USH2A: variants seen among roughly 807,000 people sequenced by gnomAD.
The protein encoded by USH2A is usherin, also known as Usher syndrome 2A (autosomal recessive, mild).
Under a neutral mutation model 538.9 loss-of-function variants are expected in USH2A, and 443 were observed. That is an observed-to-expected ratio of 0.82 (90% CI 0.76 to 0.89). The LOEUF (loss-of-function observed/expected upper bound fraction) is 0.89, where lower values mean the gene tolerates loss of function less well. USH2A is among the 40% of genes least tolerant of loss of function. The probability of loss-of-function intolerance (pLI) is 0.00; values close to 1 mark genes in which losing one functional copy is unlikely to be tolerated. For missense variants in USH2A, 6,633 were observed against 6,324.8 expected (o/e 1.05, Z -1.65); for synonymous variants, 2,413 against 2,273.5 (o/e 1.06, Z -1.75).
At chr1:216,271,381 T>C (rs1488155142) in intron 11 of USH2A, among the ~76,000 whole-genome samples, 1 of 151,816 alleles carries the variant, frequency 6.6e-6, no homozygotes, top group Non-Finnish European at 1.5e-5. Context: ...CGAAGGAGAG[T>C]AGTGTGAGGA....
intron 21 of USH2A, among the ~76,000 whole-genome samples, chr1:216,126,120 G>T (rs2033247015): frequency 6.6e-6 from 1 of 152,212 alleles, no homozygotes; most frequent in Non-Finnish European, 1.5e-5. Flanking sequence ...CCTGCTGACT[G>T]CTTGGGGTCT....
chr1:216,258,016 A>C (rs930627184), intron 11 of USH2A, among the ~76,000 whole-genome samples: 3 of 152,058 alleles, frequency 2.0e-5, no homozygotes, highest in African/African-American at 7.2e-5. Flanking sequence ...ACAATTCTGG[A>C]TCAATTTTGA....
At chr1:215,765,455 G>A (rs936388958) in intron 56 of USH2A, among the ~76,000 whole-genome samples, 5 of 152,116 alleles carry the variant, frequency 3.3e-5, no homozygotes, top group African/African-American at 1.2e-4. Flanking sequence ...TTCATTAGAA[G>A]AGTAATGGAC....
chr1:215,940,239 C>A (rs1049513628), intron 37 of USH2A, among the ~76,000 whole-genome samples: 4 of 152,036 alleles, frequency 2.6e-5, no homozygotes, highest in African/African-American at 9.7e-5. Flanking sequence ...CTATATTTTT[C>A]TGGTATTAAG....
rs895698458 is a variant in USH2A, at chr1:216,066,420, T to C, written c.6049+3681A>G. On this transcript the variant is annotated intron_variant, in intron 30 of 71. Transcript: ENST00000307340. ...GGCGGAGCTTGCAGTGAGCAGAGATTGCGCCACTGCACTACAGCCTGGGCG... is the reference window on the plus strand; with the variant it reads ...GGCGGAGCTTGCAGTGAGCAGAGATCGCGCCACTGCACTACAGCCTGGGCG... Among the ~76,000 whole-genome samples, 11 of 152,154 alleles carry C rather than the reference T, an allele frequency of 7.2e-5. No individual in the cohort carries two copies. The East Asian group carries it at 1.9e-3, about 27-fold the overall frequency.
At chr1:216,409,724 C>A (rs976436491) in intron 3 of USH2A, among the ~76,000 whole-genome samples, 1 of 152,022 alleles carries the variant, frequency 6.6e-6, no homozygotes, top group Non-Finnish European at 1.5e-5. Flanking sequence ...ATATAAAAAT[C>A]AACTCAAGTT....
intron 61 of USH2A, among the ~76,000 whole-genome samples, chr1:215,717,787 C>T (rs1417420457): frequency 6.6e-6 from 1 of 152,088 alleles, no homozygotes; most frequent in Admixed American, 6.6e-5. Flanking sequence ...TACAGAGAAG[C>T]AATAGCCCAG....
At chr1:216,157,622 A>C (rs1160737981) in intron 21 of USH2A, among the ~76,000 whole-genome samples, 1 of 152,230 alleles carries the variant, frequency 6.6e-6, no homozygotes, top group Non-Finnish European at 1.5e-5. Context: ...ACACCATGGA[A>C]TACTACCCAA....
intron 61 of USH2A, among the ~76,000 whole-genome samples, chr1:215,702,667 T>G (rs1318713713): frequency 6.6e-6 from 1 of 151,784 alleles, no homozygotes; most frequent in Non-Finnish European, 1.5e-5. Context: ...TGCTCCATCA[T>G]TTATGTTCTT....
At chr1:216,044,600 G>T (rs987324125) in intron 32 of USH2A, among the ~76,000 whole-genome samples, 1 of 152,094 alleles carries the variant, frequency 6.6e-6, no homozygotes, top group African/African-American at 2.4e-5. Flanking sequence ...AATTGCTAAT[G>T]ACATGTTATA....
At chr1:216,416,036 G>A (rs2039572029) in intron 3 of USH2A, among the ~76,000 whole-genome samples, 1 of 151,950 alleles carries the variant, frequency 6.6e-6, no homozygotes, top group African/African-American at 2.4e-5. Context: ...TGTGGTTGTA[G>A]GCACCTGTAA....
In USH2A at chr1:215,628,933, G is replaced by T; in HGVS notation, c.15400C>A (p.Leu5134Ile). Reference protein sequence around the residue: ...LRIPSQNQTSLTYSQGSLHRS... With the variant: ...LRIPSQNQTSITYSQGSLHRS... ...TGAAGAGAACCCTGGGAGTAGGTTA[G>T]GCTGGTTTGGTTTTGACTCGGGATG... The change falls in exon 71 of 72, where the codon CTA (leucine) becomes ATA (isoleucine). Residue 5134 changes from leucine to isoleucine, a missense_variant. Transcript: ENST00000307340. 6.2e-7 allele frequency: 1 copy of T among 1,614,158 alleles called. No homozygotes were observed. The highest frequency in any genetic ancestry group is 8.5e-7 in the Non-Finnish European group (1 of 1,180,024).
chr1:215,947,042 C>CT lies in USH2A; in HGVS notation c.7121-12248dup, dbSNP rs34295902. Among the ~76,000 whole-genome samples the CT allele has an allele frequency of 5.4e-3, 785 of 146,376 alleles. 4 individuals carry two copies. Among genetic ancestry groups the CT allele is most frequent in the Non-Finnish European group, 8.1e-3 (540 of 66,820 alleles). On this transcript the variant is annotated intron_variant, in intron 37 of 71. Transcript: ENST00000307340. ...AGATTGTATTAAATAAGGTATATTA[C>CT]TTTTTTTTTTTTTTTAACTGAGACT...
In USH2A at chr1:216,250,967, T is replaced by C. The variant is rs977434275; in HGVS notation, c.2103A>G (p.Thr701=). ...GGTGACAGGTAATATCTCCATCCAC[T>C]GTCCCAGAGGTATTGCAGTTACAGG... ...CSPCNCNTSG[T]VDGDITCHQN... The change falls in exon 12 of 72, where the codon ACA becomes ACG. Residue 701 remains threonine, a synonymous_variant. Transcript: ENST00000307340. 2 of 1,613,992 alleles carry C rather than the reference T, an allele frequency of 1.2e-6. No individual in the cohort carries two copies. Among genetic ancestry groups the C allele is most frequent in the African/African-American group, 1.3e-5 (1 of 74,928 alleles).
intron 3 of USH2A, among the ~76,000 whole-genome samples, chr1:216,418,093 T>C (rs2039607192): frequency 6.6e-6 from 1 of 152,120 alleles, no homozygotes; most frequent in Admixed American, 6.6e-5. Flanking sequence ...AACAGACAAA[T>C]TTTATTCACA....
At chr1:216,016,244 A>G (rs559936963) in intron 32 of USH2A, among the ~76,000 whole-genome samples, 9 of 152,254 alleles carry the variant, frequency 5.9e-5, no homozygotes, top group African/African-American at 2.2e-4. Context: ...CCTAATGTAA[A>G]TGACGAGTTA....
At chr1:216,142,791 A>T (rs1351328352) in intron 21 of USH2A, among the ~76,000 whole-genome samples, 3 of 152,184 alleles carry the variant, frequency 2.0e-5, no homozygotes, top group Non-Finnish European at 4.4e-5. Flanking sequence ...TTCTAATGTG[A>T]TTTAGTCTCC....
intron 55 of USH2A, among the ~76,000 whole-genome samples, chr1:215,772,998 T>G (rs1312924319): frequency 6.6e-6 from 1 of 152,206 alleles, no homozygotes; most frequent in Non-Finnish European, 1.5e-5. Context: ...GTCTGGCCCC[T>G]CGGCTGCTCA....
intron 55 of USH2A, among the ~76,000 whole-genome samples, chr1:215,779,086 G>A (rs1661544634): frequency 6.6e-6 from 1 of 152,148 alleles, no homozygotes; most frequent in Non-Finnish European, 1.5e-5. Flanking sequence ...CAAGTGTGGA[G>A]AGACATAAAA....
Sources: allele counts gnomAD v4.1 joint callset (sites outside exome capture counted in the v4.1 genomes callset), GRCh38; gene constraint gnomAD v4.1.1; transcripts MANE v1.5; gene names NCBI Gene and HGNC (gene_info 2026-07-23, HGNC 2026-07-21).